Variants in ZNF385B observed in about 807,000 individuals in gnomAD.
ZNF385B encodes the protein zinc finger protein 385B, also known as zinc finger protein 533.
Under a neutral mutation model 39.2 loss-of-function variants are expected in ZNF385B, and 23 were observed. That is an observed-to-expected ratio of 0.59 (90% CI 0.42 to 0.83). The LOEUF is 0.83. Ranked by LOEUF, ZNF385B falls within the 40% of genes least tolerant of loss-of-function variation. The pLI, the probability that ZNF385B is intolerant of heterozygous loss-of-function variation, is 0.00. For missense variants in ZNF385B, 552 were observed against 598.9 expected (o/e 0.92, Z 0.82); for synonymous variants, 205 against 222.6 (o/e 0.92, Z 0.70).
intron 6 of ZNF385B, among the ~76,000 whole-genome samples, chr2:179,447,385 A>C (rs1291331086): frequency 1.3e-5 from 2 of 152,218 alleles, no homozygotes; most frequent in African/African-American, 2.4e-5. Flanking sequence ...AGTCTAAATC[A>C]AAAGTTTTAA....
chr2:179,592,681 A>G (rs922591288), intron 3 of ZNF385B, among the ~76,000 whole-genome samples: 4 of 152,096 alleles, frequency 2.6e-5, no homozygotes, highest in African/African-American at 7.2e-5. Flanking sequence ...CTATTGTTTC[A>G]TGGTCCATAT....
At chr2:179,712,530 T>A (rs1700071947) in intron 3 of ZNF385B, among the ~76,000 whole-genome samples, 2 of 152,174 alleles carry the variant, frequency 1.3e-5, no homozygotes, top group South Asian at 4.1e-4. Flanking sequence ...GTTGCTTTTG[T>A]TTCTCTAATC....
At chr2:179,493,646 TGC>T (rs2055619360) in intron 5 of ZNF385B, among the ~76,000 whole-genome samples, 2 of 108,768 alleles carry the variant, frequency 1.8e-5, no homozygotes, top group Non-Finnish European at 3.9e-5. Flanking sequence ...TATACACATA[TGC>T]GTATACATAT....
chr2:179,676,504 G>GT (rs1559075727), intron 3 of ZNF385B, among the ~76,000 whole-genome samples: 1 of 152,130 alleles, frequency 6.6e-6, no homozygotes, highest in South Asian at 2.1e-4. Context: ...GATTACAGGC[G>GT]TGAGGCCGAC....
intron 5 of ZNF385B, among the ~76,000 whole-genome samples, chr2:179,509,414 G>A (rs1025021162): frequency 1.2e-4 from 18 of 152,078 alleles, no homozygotes; most frequent in Admixed American, 3.3e-4. Flanking sequence ...TTTGTTATGA[G>A]CTTGTTAAAC....
intron 3 of ZNF385B, among the ~76,000 whole-genome samples, chr2:179,554,786 C>A (rs1264901914): frequency 6.7e-6 from 1 of 149,108 alleles, no homozygotes; most frequent in Non-Finnish European, 1.5e-5. Flanking sequence ...ATGTGAATTA[C>A]AACTACAATG....
rs112208635 is a variant in ZNF385B, at chr2:179,504,715, A to G, written c.552+13813T>C. 1.2e-3 allele frequency among the ~76,000 whole-genome samples: 185 copies of G among 152,044 alleles called. 1 individual carries two copies. Among genetic ancestry groups the G allele is most frequent in the African/African-American group, 4.0e-3 (164 of 41,418 alleles). On this transcript the variant is annotated intron_variant, in intron 5 of 9. Coordinates refer to ENST00000410066, the MANE Select transcript of ZNF385B (RefSeq NM_152520.6). ...GGAGATATACCTAATGTTAAATGAC[A>G]AGTTAATGGGTGCAGCACACCAACA...
intron 1 of ZNF385B, among the ~76,000 whole-genome samples, chr2:179,835,229 C>T (rs941161622): frequency 6.6e-6 from 1 of 152,090 alleles, no homozygotes; most frequent in African/African-American, 2.4e-5. Context: ...AAAACAAAAC[C>T]AAATGTGTAT....
chr2:179,555,424 C>T (rs1228559579), intron 3 of ZNF385B, among the ~76,000 whole-genome samples: 1 of 149,322 alleles, frequency 6.7e-6, no homozygotes, highest in Non-Finnish European at 1.5e-5. Flanking sequence ...GCCAGCTACA[C>T]ATGTATGCTA....
intron 7 of ZNF385B, 147 bp from the exon 8 acceptor site, chr2:179,445,875 C>A: frequency 1.4e-6 from 1 of 708,376 alleles, no homozygotes; most frequent in Non-Finnish European, 2.1e-6. Flanking sequence ...TTAAATTTAA[C>A]ACGTTATTGT....
At chr2:179,585,620 C>A (rs574399935) in intron 3 of ZNF385B, among the ~76,000 whole-genome samples, 18 of 152,218 alleles carry the variant, frequency 1.2e-4, no homozygotes, top group African/African-American at 4.3e-4. Flanking sequence ...AAAATCCTTC[C>A]TTGAATTGAG....
At chr2:179,830,734 T>C (rs1283064841) in intron 1 of ZNF385B, among the ~76,000 whole-genome samples, 1 of 152,176 alleles carries the variant, frequency 6.6e-6, no homozygotes, top group East Asian at 1.9e-4. Context: ...AGGTGGAACA[T>C]GGGAATTTTG....
At chr2:179,684,494 A>G (rs778631976) in intron 3 of ZNF385B, among the ~76,000 whole-genome samples, 1 of 152,256 alleles carries the variant, frequency 6.6e-6, no homozygotes, top group Non-Finnish European at 1.5e-5. Context: ...ATGTGGTTTA[A>G]CAAAGAGGAA....
intron 3 of ZNF385B, among the ~76,000 whole-genome samples, chr2:179,597,208 T>C (rs1688067714): frequency 6.6e-6 from 1 of 152,220 alleles, no homozygotes; most frequent in Non-Finnish European, 1.5e-5. Flanking sequence ...AGCTACTTGT[T>C]ATGGCAGCAC....
Position 179,807,852 on chromosome 2 carries a change from G to A in ZNF385B, c.-154-37180C>T, listed in dbSNP as rs186027751. 5.3e-3 allele frequency among the ~76,000 whole-genome samples: 773 copies of A among 146,610 alleles called. 5 individuals are homozygous for A. The highest frequency in any genetic ancestry group is 9.6e-3 in the Admixed American group (139 of 14,550). ...GGAGCTTGCAGTGAGCTGAGATCAC[G>A]CCACTGCACTCCAACCTGGGCGACA... On this transcript the variant is annotated intron_variant, in intron 1 of 9. Transcript: ENST00000410066.
chr2:179,632,819 G>T (rs1252226251), intron 3 of ZNF385B, among the ~76,000 whole-genome samples: 2 of 152,082 alleles, frequency 1.3e-5, no homozygotes, highest in African/African-American at 4.8e-5. Flanking sequence ...GACTAATAAA[G>T]ACGAAAAGAG....
At chr2:179,836,937 C>A (rs982847812) in intron 1 of ZNF385B, among the ~76,000 whole-genome samples, 1 of 152,160 alleles carries the variant, frequency 6.6e-6, no homozygotes, top group Admixed American at 6.5e-5. Context: ...GCCCCCAGCA[C>A]CCCAGTCACC....
At chr2:179,717,045 C>T (rs1401623859) in intron 3 of ZNF385B, among the ~76,000 whole-genome samples, 2 of 152,124 alleles carry the variant, frequency 1.3e-5, no homozygotes, top group African/African-American at 4.8e-5. Context: ...GACTGCTGCA[C>T]ATTAAGCTAC....
intron 1 of ZNF385B, among the ~76,000 whole-genome samples, chr2:179,797,727 G>T (rs548891358): frequency 6.6e-6 from 1 of 152,040 alleles, no homozygotes; most frequent in Non-Finnish European, 1.5e-5. Context: ...TCTGAAAACC[G>T]ATAGTCAGAT....
Sources: gnomAD v4.1 joint callset for allele counts (sites outside exome capture counted in the v4.1 genomes callset) on GRCh38, gnomAD v4.1.1 for gene constraint, MANE v1.5 for transcripts, NCBI Gene and HGNC (gene_info 2026-07-23, HGNC 2026-07-21) for gene names.